NRXN1: variants seen among roughly 807,000 people sequenced by gnomAD.
NRXN1 encodes the protein neurexin-1.
Under a neutral mutation model 150.9 loss-of-function variants are expected in NRXN1, and 39 were observed. The ratio of observed to expected loss-of-function variants is 0.26; its 90% CI spans 0.20 to 0.34. The LOEUF (loss-of-function observed/expected upper bound fraction) is 0.34, where lower values mean the gene tolerates loss of function less well. Ranked by LOEUF, NRXN1 falls within the 10% of genes least tolerant of loss-of-function variation. NRXN1 has a pLI of 1.00. For synonymous variants in NRXN1, 924 were observed against 757.0 expected, an observed-to-expected ratio of 1.22 and a Z score of -3.62; for missense variants, 1,815 against 1,949.9, an observed-to-expected ratio of 0.93 and a Z score of 1.30.
intron 17 of NRXN1, among the ~76,000 whole-genome samples, chr2:50,281,148 C>CAAAAAAAAAAA (rs70946898): frequency 3.7e-5 from 4 of 107,062 alleles, no homozygotes; most frequent in Non-Finnish European, 7.7e-5. Flanking sequence ...ACTAAAAATA[C>CAAAAAAAAAAA]AAAAAAAAAA....
chr2:51,031,736 T>C (rs1420112580), intron 1 of NRXN1, among the ~76,000 whole-genome samples: 1 of 152,118 alleles, frequency 6.6e-6, no homozygotes, highest in Non-Finnish European at 1.5e-5. Context: ...TTATTTTCTT[T>C]CTTTTGCTAA....
chr2:50,133,135 G>A (rs1705800260), intron 18 of NRXN1, among the ~76,000 whole-genome samples: 1 of 152,148 alleles, frequency 6.6e-6, no homozygotes, highest in African/African-American at 2.4e-5. Context: ...GATGAAGACA[G>A]CAAAAAATGC....
At chr2:50,688,849 C>T (rs953317354) in intron 5 of NRXN1, among the ~76,000 whole-genome samples, 1 of 152,146 alleles carries the variant, frequency 6.6e-6, no homozygotes, top group Non-Finnish European at 1.5e-5. Flanking sequence ...GTGCCATGGG[C>T]TTGCGGCTGC....
chr2:50,356,494 T>C (rs1248721150), intron 17 of NRXN1, among the ~76,000 whole-genome samples: 1 of 152,214 alleles, frequency 6.6e-6, no homozygotes, highest in Non-Finnish European at 1.5e-5. Flanking sequence ...AACTGTCTTA[T>C]TTTCCTTTTG....
chr2:50,078,750 A>G (rs2152680825), intron 19 of NRXN1, among the ~76,000 whole-genome samples: 1 of 152,222 alleles, frequency 6.6e-6, no homozygotes, highest in African/African-American at 2.4e-5. Context: ...TGAATACCAA[A>G]GAAGTGAAGA....
In NRXN1 at chr2:50,329,617, GTATA is replaced by G. The variant is rs1172739306; in HGVS notation, c.3365-92651_3365-92648del. On this transcript the variant is annotated intron_variant, in intron 17 of 22. Coordinates refer to ENST00000401669, the MANE Select transcript of NRXN1 (RefSeq NM_001330078.2). ...TGTGTGTGTGTGTGTGTGTGTGTGT[GTATA>G]TATATATATATATATATATATATAT... is the stretch of plus-strand genomic sequence containing the variant. Among the ~76,000 whole-genome samples the G allele has an allele frequency of 2.5e-3, 35 of 13,958 alleles. 1 individual carries two copies. Among genetic ancestry groups the G allele is most frequent in the South Asian group, 4.2e-3 (1 of 236 alleles). 9.2% of individuals were successfully genotyped at this position (13,958 alleles called of 152,430 possible).
intron 5 of NRXN1, among the ~76,000 whole-genome samples, chr2:50,787,534 G>A (rs910458929): frequency 6.6e-6 from 1 of 151,536 alleles, no homozygotes; most frequent in Non-Finnish European, 1.5e-5. Context: ...TGAAGCCTGG[G>A]CAACAAGACC....
At chr2:50,051,041 CTAAT>C (rs1040750459) in intron 21 of NRXN1, among the ~76,000 whole-genome samples, 1 of 151,858 alleles carries the variant, frequency 6.6e-6, no homozygotes, top group Non-Finnish European at 1.5e-5. Flanking sequence ...CAAGTATTCA[CTAAT>C]TAATTAGATC....
intron 17 of NRXN1, among the ~76,000 whole-genome samples, chr2:50,462,599 C>A (rs2088346667): frequency 2.0e-5 from 3 of 151,838 alleles, no homozygotes; most frequent in Non-Finnish European, 1.5e-5. Context: ...TATCCACATA[C>A]ACACATGCAC....
intron 17 of NRXN1, among the ~76,000 whole-genome samples, chr2:50,458,879 A>G (rs188274736): frequency 6.6e-6 from 1 of 152,158 alleles, no homozygotes; most frequent in East Asian, 1.9e-4. Context: ...TGTGCCCGGC[A>G]TAAAATTTTA....
intron 8 of NRXN1, among the ~76,000 whole-genome samples, chr2:50,578,709 T>A (rs1042182773): frequency 1.3e-5 from 2 of 152,086 alleles, no homozygotes; most frequent in East Asian, 3.9e-4. Flanking sequence ...TATGTTATAA[T>A]AAATTAAAAA....
At chr2:50,068,115 G>C (rs777047046) in intron 19 of NRXN1, among the ~76,000 whole-genome samples, 9 of 152,072 alleles carry the variant, frequency 5.9e-5, no homozygotes, top group Non-Finnish European at 1.2e-4. Context: ...ATGACATTCT[G>C]ATCTTATTTT....
intron 21 of NRXN1, among the ~76,000 whole-genome samples, chr2:50,045,727 G>T (rs894364851): frequency 1.3e-5 from 2 of 152,068 alleles, no homozygotes; most frequent in African/African-American, 4.8e-5. Context: ...TTAATAAAAA[G>T]ATATTACTTT....
At chr2:50,442,200 G>C (rs923186731) in intron 17 of NRXN1, among the ~76,000 whole-genome samples, 1 of 152,034 alleles carries the variant, frequency 6.6e-6, no homozygotes, top group Non-Finnish European at 1.5e-5. Context: ...GTGTGCCTTG[G>C]ATTTATCATC....
At chr2:51,025,134 A>G (rs766556859) in intron 2 of NRXN1, among the ~76,000 whole-genome samples, 1 of 152,124 alleles carries the variant, frequency 6.6e-6, no homozygotes, top group Non-Finnish European at 1.5e-5. Context: ...GTGATACTCA[A>G]AAGAATCCAA....
At chr2:50,005,468 C>T (rs1684609416) in intron 21 of NRXN1, among the ~76,000 whole-genome samples, 1 of 152,082 alleles carries the variant, frequency 6.6e-6, no homozygotes, top group Admixed American at 6.6e-5. Context: ...AATAGCATTA[C>T]CAACCGGGAC....
At chr2:49,959,677 T>C (rs1295029134) in intron 21 of NRXN1, among the ~76,000 whole-genome samples, 2 of 152,240 alleles carry the variant, frequency 1.3e-5, no homozygotes, top group African/African-American at 4.8e-5. Context: ...TGCCAATCTA[T>C]GCAGTAGTTG....
Position 50,559,084 on chromosome 2 carries a change from AAAATAAAT to A in NRXN1, c.1321-6067_1321-6060del, listed in dbSNP as rs61143105. Among the ~76,000 whole-genome samples the A allele has an allele frequency of 2.6e-5, 4 of 151,876 alleles. No individual in the cohort carries two copies. The South Asian group carries it at 6.2e-4, about 24-fold the overall frequency. On this transcript the variant is annotated intron_variant, in intron 8 of 22. Transcript: ENST00000401669. Reference sequence around the variant, plus strand: ...GTGACAGAGTGAGACTCCGTCTCAAAAAATAAATAAATAAATAAATAAATATCAAGTGA... The same window carrying A: ...GTGACAGAGTGAGACTCCGTCTCAAAAAATAAATAAATAAATATCAAGTGA...
chr2:50,116,910 A>G (rs1392434175), intron 18 of NRXN1, among the ~76,000 whole-genome samples: 1 of 152,108 alleles, frequency 6.6e-6, no homozygotes, highest in African/African-American at 2.4e-5. Context: ...CCAACTAAAA[A>G]TGACTTAAAA....
Sources: allele counts gnomAD v4.1 joint callset (sites outside exome capture counted in the v4.1 genomes callset), GRCh38; gene constraint gnomAD v4.1.1; transcripts MANE v1.5; gene names NCBI Gene and HGNC (gene_info 2026-07-23, HGNC 2026-07-21).